MACROD2: variants seen among roughly 807,000 people sequenced by gnomAD.
The protein encoded by MACROD2 is ADP-ribose glycohydrolase MACROD2.
MACROD2 carries 36 observed loss-of-function variants against 70.4 expected under a neutral mutation model. That is an observed-to-expected ratio of 0.51 (90% CI 0.39 to 0.68). The LOEUF (loss-of-function observed/expected upper bound fraction) is 0.68. MACROD2 is among the 30% of genes least tolerant of loss of function. MACROD2 has a pLI of 0.00. For synonymous variants in MACROD2, 172 were observed against 178.8 expected, an observed-to-expected ratio of 0.96 and a Z score of 0.30; for missense variants, 496 against 538.4, an observed-to-expected ratio of 0.92 and a Z score of 0.78.
chr20:15,822,803 C>G (rs193268252), intron 8 of MACROD2, among the ~76,000 whole-genome samples: 172 of 152,188 alleles, frequency 1.1e-3, no homozygotes, highest in African/African-American at 3.9e-3. Context: ...TAGGAAAGGA[C>G]AGCAAATTAG....
intron 3 of MACROD2, among the ~76,000 whole-genome samples, chr20:14,410,952 G>A (rs963329): frequency 0.15 from 23,224 of 152,062 alleles, 2,481 homozygotes; most frequent in Non-Finnish European, 0.23. Flanking sequence ...GCCCTACCCA[G>A]ACAGTGGGAC....
chr20:14,511,845 AT>A (rs2085034434), intron 4 of MACROD2, among the ~76,000 whole-genome samples: 3 of 152,100 alleles, frequency 2.0e-5, no homozygotes, highest in African/African-American at 7.2e-5. Context: ...GTACAATAAA[AT>A]TTCATTCTGT....
intron 5 of MACROD2, among the ~76,000 whole-genome samples, chr20:15,051,355 T>C (rs1398853024): frequency 9.5e-5 from 4 of 41,930 alleles, no homozygotes; most frequent in African/African-American, 3.3e-4. Flanking sequence ...TGTGTGTGTG[T>C]GTGTGTGTGT....
intron 8 of MACROD2, among the ~76,000 whole-genome samples, chr20:15,524,974 T>C (rs1177760508): frequency 2.0e-5 from 3 of 152,198 alleles, no homozygotes; most frequent in Non-Finnish European, 4.4e-5. Flanking sequence ...CCAGGCTATC[T>C]TACAACTAAA....
chr20:14,961,230 A>G (rs1331349208), intron 5 of MACROD2, among the ~76,000 whole-genome samples: 1 of 152,146 alleles, frequency 6.6e-6, no homozygotes, highest in Non-Finnish European at 1.5e-5. Context: ...ATATATTCCG[A>G]TTAGTTATTA....
At chr20:15,956,322 T>G (rs765073143) in intron 12 of MACROD2, among the ~76,000 whole-genome samples, 5 of 152,228 alleles carry the variant, frequency 3.3e-5, no homozygotes, top group Non-Finnish European at 5.9e-5. Context: ...TTCTTATGAA[T>G]GCATGCCAAC....
rs763835368 is a variant in MACROD2, at chr20:15,426,421, TG to T, written c.541-4983del. Among the ~76,000 whole-genome samples, 716 of 152,224 alleles carry T rather than the reference TG, an allele frequency of 4.7e-3. 2 individuals carry two copies. Among genetic ancestry groups the T allele is most frequent in the Middle Eastern group, 0.024 (7 of 294 alleles). On this transcript the variant is annotated intron_variant, in intron 6 of 17. Transcript: ENST00000684519. ...GTGTAGTGGTGGAATCATGGCTCAC[TG>T]CAGCCTCAACATCCTGGGCTCAGGT...
intron 6 of MACROD2, among the ~76,000 whole-genome samples, chr20:15,420,348 G>A (rs2046210895): frequency 6.6e-6 from 1 of 150,624 alleles, no homozygotes; most frequent in Non-Finnish European, 1.5e-5. Flanking sequence ...CTATTTCAAA[G>A]GTATAATGAA....
intron 8 of MACROD2, among the ~76,000 whole-genome samples, chr20:15,614,424 T>C (rs2049010321): frequency 6.6e-6 from 1 of 152,180 alleles, no homozygotes; most frequent in Non-Finnish European, 1.5e-5. Flanking sequence ...AATCCTGGAA[T>C]TGCAATTCAT....
chr20:15,015,709 G>C (rs2075116114), intron 5 of MACROD2, among the ~76,000 whole-genome samples: 1 of 152,116 alleles, frequency 6.6e-6, no homozygotes. Context: ...AAATGTTCTG[G>C]AACTGATGTT....
At chr20:14,418,877 C>T (rs992685585) in intron 3 of MACROD2, among the ~76,000 whole-genome samples, 1 of 152,064 alleles carries the variant, frequency 6.6e-6, no homozygotes, top group Non-Finnish European at 1.5e-5. Context: ...TCCCTTCCTC[C>T]TCTTCTCTTG....
intron 5 of MACROD2, among the ~76,000 whole-genome samples, chr20:14,783,537 G>C (rs75175616): frequency 3.3e-5 from 5 of 152,060 alleles, no homozygotes; most frequent in African/African-American, 4.8e-5. Flanking sequence ...ATAATAGTAC[G>C]TACTTTAATG....
chr20:15,970,771 G>C (rs763693317), intron 13 of MACROD2, among the ~76,000 whole-genome samples: 10 of 152,278 alleles, frequency 6.6e-5, no homozygotes, highest in Non-Finnish European at 1.2e-4. Context: ...GAAAAGATCT[G>C]AGAGAGTGAT....
intron 6 of MACROD2, among the ~76,000 whole-genome samples, chr20:15,283,935 C>G (rs1476292589): frequency 6.6e-6 from 1 of 152,226 alleles, no homozygotes; most frequent in South Asian, 2.1e-4. Flanking sequence ...TGTACCCTAT[C>G]CCTTATTTTC....
intron 8 of MACROD2, among the ~76,000 whole-genome samples, chr20:15,819,821 A>G (rs1206947996): frequency 1.3e-5 from 2 of 152,158 alleles, no homozygotes; most frequent in East Asian, 1.9e-4. Context: ...GCAGATATAT[A>G]GAATGAACAA....
chr20:15,098,532 A>T (rs1484867068), intron 5 of MACROD2, among the ~76,000 whole-genome samples: 1 of 152,208 alleles, frequency 6.6e-6, no homozygotes, highest in East Asian at 1.9e-4. Flanking sequence ...TTGGACATTT[A>T]TGCCATGACT....
intron 8 of MACROD2, among the ~76,000 whole-genome samples, chr20:15,760,812 T>A (rs1167458467): frequency 6.6e-6 from 1 of 152,180 alleles, no homozygotes; most frequent in Non-Finnish European, 1.5e-5. Flanking sequence ...AAATTCGCAA[T>A]TCTATTTCAA....
chr20:14,328,412 T>C (rs1354614776), intron 3 of MACROD2, among the ~76,000 whole-genome samples: 2 of 152,164 alleles, frequency 1.3e-5, no homozygotes, highest in East Asian at 3.8e-4. Flanking sequence ...TCACAGTGCA[T>C]TTATATTTCT....
intron 3 of MACROD2, among the ~76,000 whole-genome samples, chr20:14,347,896 G>T (rs1438955132): frequency 6.6e-6 from 1 of 152,120 alleles, no homozygotes. Context: ...GTGTATCCAG[G>T]TTAACATCTA....
Sources: allele counts gnomAD v4.1 joint callset (sites outside exome capture counted in the v4.1 genomes callset), GRCh38; gene constraint gnomAD v4.1.1; transcripts MANE v1.5; gene names NCBI Gene and HGNC (gene_info 2026-07-23, HGNC 2026-07-21).